The following DNM2 variants were observed in gnomAD, a reference collection of about 807,000 sequenced individuals.
The protein encoded by DNM2 is dynamin-2.
In DNM2, 15 loss-of-function variants were observed where a neutral mutation model predicts 99.0. The observed-to-expected ratio is 0.15, with a 90% confidence interval of 0.10 to 0.23. DNM2 has a LOEUF of 0.23. Among genes scored for constraint, DNM2 ranks in the 10% least tolerant of loss-of-function variants. DNM2 has a pLI of 1.00. For synonymous variants in DNM2, 525 were observed against 481.2 expected, an observed-to-expected ratio of 1.09 and a Z score of -1.19; for missense variants, 742 against 1,189.4, an observed-to-expected ratio of 0.62 and a Z score of 5.53.
rs115023063 is a variant in DNM2 at position 10,770,446 on chromosome 19, C to T, written c.236-2033C>T. 3.2e-3 allele frequency among the ~76,000 whole-genome samples: 490 copies of T among 152,214 alleles called. 1 individual carries two copies. The highest frequency in any genetic ancestry group is 0.011 in the African/African-American group (473 of 41,540). On this transcript the variant is annotated intron_variant, in intron 2 of 20. Coordinates refer to ENST00000389253, the MANE Select transcript of DNM2 (RefSeq NM_001005361.3). ...TTTTTGAGACAGTGTCTTGCTCTGTCGCCAGGCTGGAATGCAGTGGTGTGA... is the reference window on the plus strand; with the variant it reads ...TTTTTGAGACAGTGTCTTGCTCTGTTGCCAGGCTGGAATGCAGTGGTGTGA...
At chr19:10,773,687 C>T (rs777066774) in intron 3 of DNM2, among the ~76,000 whole-genome samples, 1 of 151,648 alleles carries the variant, frequency 6.6e-6, no homozygotes, top group Non-Finnish European at 1.5e-5. Flanking sequence ...AGGCTGGTCT[C>T]GAACTCCTGA....
At chr19:10,722,775 G>T (rs1326893871) in intron 1 of DNM2, among the ~76,000 whole-genome samples, 2 of 151,064 alleles carry the variant, frequency 1.3e-5, no homozygotes, top group African/African-American at 4.9e-5. Flanking sequence ...CTACAGGCAC[G>T]TGCCACCACG....
At chr19:10,770,261 T>G (rs546008844) in intron 2 of DNM2, among the ~76,000 whole-genome samples, 15 of 152,346 alleles carry the variant, frequency 9.8e-5, no homozygotes, top group African/African-American at 3.1e-4. Flanking sequence ...GGCTGTGTTA[T>G]TCACGTCGCC....
chr19:10,772,646 G>A lies in DNM2; in HGVS notation c.385+18G>A. On this transcript the variant is annotated intron_variant, in intron 3 of 20. Coordinates refer to ENST00000389253, the MANE Select transcript of DNM2 (RefSeq NM_001005361.3). The surrounding 1 kb of genome is among the most constrained non-coding windows in gnomAD (Gnocchi z 4.9). ...GCCACACGGTAGGCAGCACGGGTGG[G>A]GACCCATCACTGACCGTTTCTGGTC... 1 of 1,613,806 alleles carries A rather than the reference G, an allele frequency of 6.2e-7. No individual in the cohort carries two copies. The highest frequency in any genetic ancestry group is 8.5e-7 in the Non-Finnish European group (1 of 1,179,980).
At chr19:10,804,383 A>G (rs2146073842) in intron 12 of DNM2, among the ~76,000 whole-genome samples, 1 of 152,244 alleles carries the variant, frequency 6.6e-6, no homozygotes, top group African/African-American at 2.4e-5. Flanking sequence ...TTGCCCTCCA[A>G]ATGTATATTA....
Position 10,819,974 on chromosome 19 carries a change from C to T in DNM2, c.1672-6C>T, listed in dbSNP as rs1436714115. On this transcript the variant is annotated splice_region_variant and splice_polypyrimidine_tract_variant and intron_variant, in intron 15 of 20. Coordinates refer to ENST00000389253, the MANE Select transcript of DNM2 (RefSeq NM_001005361.3). ...CTCAGGGTGACTCTTTTCCCTCCAC[C>T]CTCAGGAGAAAGAGAAGAAGTACAT... The T allele has an allele frequency of 1.2e-6, 2 of 1,613,824 alleles. No individual in the cohort carries two copies. Among genetic ancestry groups the T allele is most frequent in the Non-Finnish European group, 1.7e-6 (2 of 1,179,842 alleles).
chr19:10,793,884 G>C (rs367698794), intron 8 of DNM2, 29 bp downstream of exon 8: 1 of 1,613,946 alleles, frequency 6.2e-7, no homozygotes. Context: ...GGGCCCTCCC[G>C]TCTCTGGTCA....
Position 10,751,412 on chromosome 19 carries a change from G to C in DNM2, c.162-8326G>C, listed in dbSNP as rs375583686. Among the ~76,000 whole-genome samples, 185 of 152,278 alleles carry C rather than the reference G, an allele frequency of 1.2e-3. 2 individuals are homozygous for C. Among genetic ancestry groups the C allele is most frequent in the African/African-American group, 4.4e-3 (182 of 41,576 alleles). On this transcript the variant is annotated intron_variant, in intron 1 of 20. Coordinates refer to ENST00000389253, the MANE Select transcript of DNM2 (RefSeq NM_001005361.3). ...AGAATGCGGATGGGATCAACGAGGA[G>C]GAAGTAGATGACGGAGGCTGGAAAG...
chr19:10,783,552 A>G (rs932858189), intron 6 of DNM2, among the ~76,000 whole-genome samples: 2 of 152,146 alleles, frequency 1.3e-5, no homozygotes, highest in African/African-American at 2.4e-5. Flanking sequence ...TGCTGCTACT[A>G]TTACAACCAT....
chr19:10,784,807 A>AT (rs1274420979), intron 6 of DNM2, among the ~76,000 whole-genome samples: 1 of 96,942 alleles, frequency 1.0e-5, no homozygotes. Context: ...TTTATTTTTT[A>AT]TTTTTTTGAT....
rs35575438 is a variant in DNM2, at chr19:10,784,819, A to ATTTTTTTTTTTTTTTTTTTTTTTTT, written c.849+1721_849+1722insTTTTTTTTTTTTTTTTTTTTTTTTT. Among the ~76,000 whole-genome samples, 7 of 99,462 alleles carry ATTTTTTTTTTTTTTTTTTTTTTTTT rather than the reference A, an allele frequency of 7.0e-5. 1 individual carries two copies. The highest frequency in any genetic ancestry group is 1.4e-4 in the Admixed American group (1 of 7,352). The allele number at this position is 99,462 out of a possible 152,430, so 65.3% of individuals were successfully genotyped here. On this transcript the variant is annotated intron_variant, in intron 6 of 20. Transcript: ENST00000389253. ...GTATTTATTTTTTATTTTTTTGATG[A>ATTTTTTTTTTTTTTTTTTTTTTTTT]TTTTTTTTTTTTTTTTTTTTTTGAG...
Position 10,831,053 on chromosome 19 carries a change from G to T in DNM2, c.*6G>T, listed in dbSNP as rs376586174. On this transcript the variant is annotated 3_prime_UTR_variant, in exon 21 of 21. Coordinates refer to ENST00000389253, the MANE Select transcript of DNM2 (RefSeq NM_001005361.3). The surrounding 1 kb of genome is among the most constrained non-coding windows in gnomAD (Gnocchi z 4.3). ...AGCCATCCCTGCTCGACTAGGCCTC[G>T]AGGGGGGCGTGCTCTCGGGGGGGCC... The T allele has an allele frequency of 1.9e-6, 3 of 1,599,942 alleles. No individual in the cohort carries two copies. The highest frequency in any genetic ancestry group is 2.6e-6 in the Non-Finnish European group (3 of 1,172,998).
intron 1 of DNM2, among the ~76,000 whole-genome samples, chr19:10,730,972 G>T (rs1026941014): frequency 2.0e-5 from 3 of 152,222 alleles, no homozygotes; most frequent in African/African-American, 7.2e-5. Context: ...CCAGGCCCTG[G>T]TGACACCTCC....
In DNM2 at chr19:10,817,473, A is replaced by C. The variant is rs554963593; in HGVS notation, c.1672-2507A>C. On this transcript the variant is annotated intron_variant, in intron 15 of 20. Transcript: ENST00000389253. The surrounding 1 kb of genome is among the most constrained non-coding windows in gnomAD (Gnocchi z 4.6). ...TGTACACATTGAGAGCCTCCTGAAC[A>C]GGTAGTCTGAACACTGGGTTGGCGG... 6.1e-6 allele frequency: 3 copies of C among 489,198 alleles called. No homozygotes were observed. Among genetic ancestry groups the C allele is most frequent in the Non-Finnish European group, 1.3e-5 (3 of 237,712 alleles). The allele number at this position is 489,198 out of a possible 1,614,324, so 30.3% of individuals were successfully genotyped here. A position where few individuals can be genotyped will look rare whatever the true frequency, so the allele number is the denominator to read the frequency against.
chr19:10,726,720 C>T (rs1226084666), intron 1 of DNM2, among the ~76,000 whole-genome samples: 2 of 152,050 alleles, frequency 1.3e-5, no homozygotes, highest in African/African-American at 2.4e-5. Context: ...AAAAATTAGC[C>T]GGGCGTGGTG....
intron 1 of DNM2, among the ~76,000 whole-genome samples, chr19:10,746,997 A>C (rs2070011662): frequency 6.6e-6 from 1 of 151,174 alleles, no homozygotes; most frequent in Non-Finnish European, 1.5e-5. Flanking sequence ...TCGGCCCCGC[A>C]AAGTGCTGAG....
intron 2 of DNM2, among the ~76,000 whole-genome samples, chr19:10,761,500 G>A (rs1422261611): frequency 1.3e-5 from 2 of 152,140 alleles, no homozygotes; most frequent in Non-Finnish European, 2.9e-5. Context: ...AGCTAGACCC[G>A]GGAGAGGTAA....
At position 10,831,584 on chromosome 19, in the gene DNM2, C is replaced by T. The variant is rs1042953129; in HGVS notation, c.*537C>T. 26 of 985,964 alleles carry T rather than the reference C, an allele frequency of 2.6e-5. No homozygotes were observed. Among genetic ancestry groups the T allele is most frequent in the Non-Finnish European group, 3.1e-5 (26 of 830,008 alleles). The allele number at this position is 985,964 out of a possible 1,614,324, so 61.1% of individuals were successfully genotyped here. On this transcript the variant is annotated 3_prime_UTR_variant, in exon 21 of 21. Coordinates refer to ENST00000389253, the MANE Select transcript of DNM2 (RefSeq NM_001005361.3). The surrounding 1 kb of genome is among the most constrained non-coding windows in gnomAD (Gnocchi z 4.3). ...GTCCTTCCCGGCCATATTAACCACA[C>T]AGCCTGAGCCTGGCCCAGCCTCGGC...
In DNM2 at chr19:10,818,243, C is replaced by T. The variant is rs1031072374; in HGVS notation, c.1672-1737C>T. ...TATGCTCTGCTCCCTCCATGGCCAC[C>T]GGGCCCCTCTCCTATGCTCTGCTCC... On this transcript the variant is annotated intron_variant, in intron 15 of 20. Transcript: ENST00000389253. The surrounding 1 kb of genome is among the most constrained non-coding windows in gnomAD (Gnocchi z 4.3). Among the ~76,000 whole-genome samples the T allele has an allele frequency of 2.6e-5, 4 of 151,618 alleles. No homozygotes were observed. Among genetic ancestry groups the T allele is most frequent in the African/African-American group, 7.3e-5 (3 of 41,314 alleles).
Sources: allele counts gnomAD v4.1 joint callset (sites outside exome capture counted in the v4.1 genomes callset), GRCh38; gene constraint gnomAD v4.1.1; non-coding constraint Gnocchi (gnomAD v3.1); transcripts MANE v1.5; gene names NCBI Gene and HGNC (gene_info 2026-07-23, HGNC 2026-07-21).